The following GDNF variants were observed in gnomAD, a reference collection of about 807,000 sequenced individuals.
GDNF encodes glial cell derived neurotrophic factor.
In GDNF, 5 loss-of-function variants were observed where a neutral mutation model predicts 13.7. The ratio of observed to expected loss-of-function variants is 0.36; its 90% CI spans 0.19 to 0.77. The LOEUF (loss-of-function observed/expected upper bound fraction) is 0.77, where lower values mean the gene tolerates loss of function less well. Among genes scored for constraint, GDNF ranks in the 30% least tolerant of loss-of-function variants. The probability of loss-of-function intolerance (pLI) is 0.51; values close to 1 mark genes in which losing one functional copy is unlikely to be tolerated. For missense variants in GDNF, 246 were observed against 274.3 expected (o/e 0.90, Z 0.73); for synonymous variants, 122 against 112.5 (o/e 1.08, Z -0.53).
At position 37,834,709 on chromosome 5, in the gene GDNF, C is replaced by T. The variant is rs1478023030; in HGVS notation, c.88G>A (p.Glu30Lys). The T allele has an allele frequency of 3.7e-6, 6 of 1,610,758 alleles. No individual in the cohort carries two copies. The highest frequency in any genetic ancestry group is 5.1e-6 in the Non-Finnish European group (6 of 1,178,874). The part of the protein sequence containing the change: ...FPLPAGKRPP[E>K]APAEDRSLGR... ...AGGGAGCGGTCTTCGGCGGGCGCCT[C>T]GGGAGGCCTCTTACCGGCGGGCAGC... The change falls in exon 2 of 3, where the codon GAG becomes AAG. Residue 30 changes from glutamate to lysine, a missense_variant. By Grantham distance (56) the Glu-to-Lys change is moderately conservative (BLOSUM62 1). Transcript: ENST00000326524.
intron 2 of GDNF, among the ~76,000 whole-genome samples, chr5:37,818,280 AG>A (rs1408127305): frequency 1.3e-5 from 2 of 152,146 alleles, no homozygotes; most frequent in Non-Finnish European, 2.9e-5. Context: ...ATGTTGTGGG[AG>A]GGGGCCCAGT....
chr5:37,835,857 G>A (rs1390145387), intron 1 of GDNF: 7 of 626,986 alleles, frequency 1.1e-5, no homozygotes, highest in Non-Finnish European at 2.0e-5. Context: ...GGCCTAGACC[G>A]TGGTACGGCG....
At chr5:37,829,679 A>C (rs1398380166) in intron 2 of GDNF, among the ~76,000 whole-genome samples, 1 of 152,232 alleles carries the variant, frequency 6.6e-6, no homozygotes, top group African/African-American at 2.4e-5. Flanking sequence ...AGATATTAGG[A>C]GGGGAAAATA....
chr5:37,824,670 G>A (rs181556547), intron 2 of GDNF: 1 of 152,208 alleles, frequency 6.6e-6, no homozygotes, highest in South Asian at 2.1e-4. Context: ...GAATGCTGAT[G>A]CATCTTACAT....
At position 37,835,116 on chromosome 5, in the gene GDNF, C is replaced by G. The variant is rs539515393; in HGVS notation, c.-26-294G>C. On this transcript the variant is annotated intron_variant, in intron 1 of 2. Transcript: ENST00000326524. ...CAGGGCTGCTGTCCCCTCCAGTTAA[C>G]CCCCCACCCCCACCACCACGATTCC... Among the ~76,000 whole-genome samples, 40 of 151,748 alleles carry G rather than the reference C, an allele frequency of 2.6e-4. 2 individuals are homozygous for G. In the South Asian group the frequency reaches 8.2e-3, roughly 31 times the overall value.
chr5:37,832,286 C>T (rs1372126645), intron 2 of GDNF, among the ~76,000 whole-genome samples: 3 of 152,182 alleles, frequency 2.0e-5, no homozygotes, highest in Non-Finnish European at 2.9e-5. Context: ...CTACATAAGC[C>T]TTAACCAGTT....
chr5:37,829,254 C>T (rs1309764205), intron 2 of GDNF, among the ~76,000 whole-genome samples: 1 of 152,150 alleles, frequency 6.6e-6, no homozygotes, highest in African/African-American at 2.4e-5. Context: ...TAGTATGTCC[C>T]CCTTTCCTTT....
chr5:37,824,507 C>T (rs1464814584), intron 2 of GDNF: 5 of 152,132 alleles, frequency 3.3e-5, no homozygotes, highest in Non-Finnish European at 7.4e-5. Context: ...ATGTGCAGTC[C>T]ATGAGAATGG....
intron 2 of GDNF, among the ~76,000 whole-genome samples, chr5:37,820,069 C>T (rs960223267): frequency 2.6e-5 from 4 of 152,148 alleles, no homozygotes; most frequent in Non-Finnish European, 5.9e-5. Context: ...AACAGAGACT[C>T]TGTTTTACAA....
rs749235981 is a variant in GDNF at position 37,837,414 on chromosome 5, C to T, written c.-27+2093G>A. Among the ~76,000 whole-genome samples, 42 of 152,014 alleles carry T rather than the reference C, an allele frequency of 2.8e-4. No individual in the cohort carries two copies. The highest frequency in any genetic ancestry group is 4.7e-4 in the Non-Finnish European group (32 of 67,984). ...TGGTCCCCTTCTGGGTCCGGGACCA[C>T]CACGTCCCGGCAGGGCAAAAGCAGC... On this transcript the variant is annotated intron_variant, in intron 1 of 2. Transcript: ENST00000326524. The surrounding 1 kb of genome is among the most constrained non-coding windows in gnomAD (Gnocchi z 6.5).
At chr5:37,836,538 C>T (rs1030109909) in intron 1 of GDNF, among the ~76,000 whole-genome samples, 1 of 152,216 alleles carries the variant, frequency 6.6e-6, no homozygotes, top group African/African-American at 2.4e-5. Flanking sequence ...GGTTTGCAAA[C>T]TCGGGAAAAA....
At chr5:37,827,483 C>T (rs985173856) in intron 2 of GDNF, among the ~76,000 whole-genome samples, 11 of 152,220 alleles carry the variant, frequency 7.2e-5, no homozygotes, top group Middle Eastern at 3.2e-3. Flanking sequence ...TATGGGTGTT[C>T]ACTGTGCTAC....
chr5:37,836,814 A>G (rs1395669623), intron 1 of GDNF, among the ~76,000 whole-genome samples: 2 of 152,266 alleles, frequency 1.3e-5, no homozygotes, highest in African/African-American at 4.8e-5. Flanking sequence ...TTCCGTCTTA[A>G]GAGGGTTTTC....
chr5:37,839,959 C>G lies in GDNF; in HGVS notation c.-479G>C, dbSNP rs1224874717. On this transcript the variant is annotated 5_prime_UTR_variant, in exon 1 of 3. Transcript: ENST00000326524. This position sits in a 1 kb window ranked among gnomAD's most constrained non-coding sequence, Gnocchi z 5.5. ...CTGATGCTGCTGCCGGAGCTGAGGTCTTGCCTGGAGATCCGAACGAGACAC... is the reference window on the plus strand; with the variant it reads ...CTGATGCTGCTGCCGGAGCTGAGGTGTTGCCTGGAGATCCGAACGAGACAC... 1 of 152,372 alleles carries G rather than the reference C, an allele frequency of 6.6e-6. No individual in the cohort carries two copies. Among genetic ancestry groups the G allele is most frequent in the Non-Finnish European group, 1.5e-5 (1 of 68,192 alleles). 9.4% of individuals were successfully genotyped at this position (152,372 alleles called of 1,614,324 possible). A position where few individuals can be genotyped will look rare whatever the true frequency, so the allele number is the denominator to read the frequency against.
In GDNF at chr5:37,817,602, A is replaced by AGTGT. The variant is rs1186238208; in HGVS notation, c.152-1468_152-1467insACAC. Among the ~76,000 whole-genome samples, 8 of 112,892 alleles carry AGTGT rather than the reference A, an allele frequency of 7.1e-5. No individual in the cohort carries two copies. The South Asian group carries it at 9.3e-4, about 13-fold the overall frequency. 74.1% of individuals were successfully genotyped at this position (112,892 alleles called of 152,430 possible). On this transcript the variant is annotated intron_variant, in intron 2 of 2. Transcript: ENST00000326524. ...AAAAGCAACTTAACCACGTGTGTGT[A>AGTGT]GAGTGTGTGTGTGTGTGTGTGTGTG...
intron 2 of GDNF, among the ~76,000 whole-genome samples, chr5:37,819,853 A>C (rs1362151609): frequency 2.0e-5 from 3 of 152,064 alleles, no homozygotes; most frequent in Non-Finnish European, 2.9e-5. Flanking sequence ...ACATTAAATC[A>C]CTTTGGTTGA....
Position 37,839,864 on chromosome 5 carries a change from G to C in GDNF, c.-384C>G, listed in dbSNP as rs1303190686. The C allele has an allele frequency of 6.6e-6, 1 of 152,428 alleles. No individual in the cohort carries two copies. Among genetic ancestry groups the C allele is most frequent in the Non-Finnish European group, 1.5e-5 (1 of 68,284 alleles). The allele number at this position is 152,428 out of a possible 1,614,324, so 9.4% of individuals were successfully genotyped here. A position where few individuals can be genotyped will look rare whatever the true frequency, so the allele number is the denominator to read the frequency against. ...TGCGCGGGCCCGGGGCGCTGCGGGCGGCTCAGCGGCAGCTGCCGCGCTCTG... is the reference window on the plus strand; with the variant it reads ...TGCGCGGGCCCGGGGCGCTGCGGGCCGCTCAGCGGCAGCTGCCGCGCTCTG... On this transcript the variant is annotated 5_prime_UTR_variant, in exon 1 of 3. Coordinates refer to ENST00000326524, the MANE Select transcript of GDNF (RefSeq NM_000514.4). The surrounding 1 kb of genome is among the most constrained non-coding windows in gnomAD (Gnocchi z 5.5).
At chr5:37,816,209 C>T in intron 2 of GDNF, 74 bp from the exon 3 acceptor site, 5 of 1,527,876 alleles carry the variant, frequency 3.3e-6, no homozygotes, top group South Asian at 2.3e-5. Context: ...GATCAAAGTG[C>T]CCCCCTAAAG....
intron 1 of GDNF, chr5:37,835,764 G>T: frequency 9.3e-6 from 9 of 970,314 alleles, no homozygotes; most frequent in Non-Finnish European, 1.5e-5. Context: ...CCTCCCAGAG[G>T]AGTCACTGGC....
Sources: gnomAD v4.1 joint callset for allele counts (sites outside exome capture counted in the v4.1 genomes callset) on GRCh38, gnomAD v4.1.1 for gene constraint, Gnocchi (gnomAD v3.1) non-coding constraint, MANE v1.5 for transcripts, NCBI Gene and HGNC (gene_info 2026-07-23, HGNC 2026-07-21) for gene names.